Variants in SNAPC1 observed in about 807,000 individuals in gnomAD.
SNAPC1 encodes the protein snRNA-activating protein complex subunit 1.
Under a neutral mutation model 50.1 loss-of-function variants are expected in SNAPC1, and 42 were observed. That is an observed-to-expected ratio of 0.84 (90% CI 0.65 to 1.08). The LOEUF is 1.08. Among genes scored for constraint, SNAPC1 ranks in the 50% least tolerant of loss-of-function variants. SNAPC1 has a pLI of 0.00. For missense variants in SNAPC1, 477 were observed against 427.3 expected (o/e 1.12, Z -1.02); for synonymous variants, 164 against 144.2 (o/e 1.14, Z -0.98).
chr14:61,793,773 C>T (rs752151861), intron 9 of SNAPC1, among the ~76,000 whole-genome samples: 4 of 151,286 alleles, frequency 2.6e-5, no homozygotes, highest in Non-Finnish European at 4.4e-5. Context: ...TCTCCTGCCT[C>T]AGCCTCCCAA....
intron 8 of SNAPC1, among the ~76,000 whole-genome samples, chr14:61,783,016 C>CTTTTTT (rs1191462174): frequency 1.6e-5 from 2 of 125,968 alleles, no homozygotes; most frequent in African/African-American, 6.2e-5. Context: ...TTTTCCAGTG[C>CTTTTTT]ATTTTTTTTT....
rs1227987718 is a variant in SNAPC1, at chr14:61,768,632, A to G, written c.430-4A>G. The G allele has an allele frequency of 6.7e-7, 1 of 1,482,408 alleles. No homozygotes were observed. Among genetic ancestry groups the G allele is most frequent in the Non-Finnish European group, 9.4e-7 (1 of 1,063,232 alleles). The allele number at this position is 1,482,408 out of a possible 1,614,324, so 91.8% of individuals were successfully genotyped here. On this transcript the variant is annotated splice_polypyrimidine_tract_variant and splice_region_variant and intron_variant, in intron 3 of 9. Coordinates refer to ENST00000216294, the MANE Select transcript of SNAPC1 (RefSeq NM_003082.4). ...CATTTAAAAAGACACGTATTATCAC[A>G]TAGCTGTCATATAGGATGAAGAAAA...
In SNAPC1 at chr14:61,793,638, A is replaced by AT. The variant is rs942122812; in HGVS notation, c.1072+745dup. ...CTTTTGTTTTTCACTGGTGGGGAATATTTTTTTTTCTTTTCTTTTTTTCTT... is the reference window on the plus strand; with the variant it reads ...CTTTTGTTTTTCACTGGTGGGGAATATTTTTTTTTTCTTTTCTTTTTTTCTT... On this transcript the variant is annotated intron_variant, in intron 9 of 9. Transcript: ENST00000216294. 2.8e-3 allele frequency among the ~76,000 whole-genome samples: 373 copies of AT among 133,510 alleles called. 6 individuals are homozygous for AT. The highest frequency in any genetic ancestry group is 9.5e-3 in the African/African-American group (348 of 36,612). 87.6% of individuals were successfully genotyped at this position (133,510 alleles called of 152,430 possible). A position where few individuals can be genotyped will look rare whatever the true frequency, so the allele number is the denominator to read the frequency against.
chr14:61,762,654 C>T (rs2044914752), intron 1 of SNAPC1, 66 bp downstream of exon 1: 3 of 1,587,146 alleles, frequency 1.9e-6, no homozygotes, highest in African/African-American at 2.7e-5. Flanking sequence ...TTGCCTCCTT[C>T]CCGGCGATAT....
chr14:61,774,167 T>TC (rs201055125), intron 4 of SNAPC1, among the ~76,000 whole-genome samples: 2 of 64,764 alleles, frequency 3.1e-5, no homozygotes, highest in South Asian at 6.3e-4. Flanking sequence ...TTCTTCTTCT[T>TC]TTTTTTTTTT....
intron 3 of SNAPC1, among the ~76,000 whole-genome samples, chr14:61,767,670 T>C (rs2044958615): frequency 1.3e-5 from 2 of 152,064 alleles, no homozygotes; most frequent in African/African-American, 4.8e-5. Context: ...CACCATGTTG[T>C]CCAGGATGGT....
intron 8 of SNAPC1, among the ~76,000 whole-genome samples, chr14:61,788,343 G>A (rs10133561): frequency 0.35 from 53,488 of 151,988 alleles, 9,946 homozygotes; most frequent in African/African-American, 0.46. Context: ...TTAATCAAAC[G>A]TTCATTTCCA....
At chr14:61,768,195 A>C (rs571334757) in intron 3 of SNAPC1, among the ~76,000 whole-genome samples, 1 of 152,380 alleles carries the variant, frequency 6.6e-6, no homozygotes, top group East Asian at 1.9e-4. Context: ...ATATTAAGCG[A>C]ACTGTTTTGA....
chr14:61,780,887 T>TCA (rs562799987), intron 7 of SNAPC1, among the ~76,000 whole-genome samples: 4 of 150,568 alleles, frequency 2.7e-5, no homozygotes, highest in Admixed American at 6.6e-5. Context: ...TGAAAATATT[T>TCA]GAAAAAAAAA....
At chr14:61,782,490 AG>A (rs2045083055) in intron 8 of SNAPC1, 93 bp downstream of exon 8, 7 of 887,864 alleles carry the variant, frequency 7.9e-6, no homozygotes, top group Middle Eastern at 4.6e-4. Context: ...AAGAAGGATT[AG>A]ATACTTGTTT....
At chr14:61,789,832 T>A (rs1160246837) in intron 8 of SNAPC1, among the ~76,000 whole-genome samples, 4 of 152,202 alleles carry the variant, frequency 2.6e-5, no homozygotes, top group Admixed American at 2.0e-4. Context: ...GAAAGTGGCA[T>A]GCCCAAAGTT....
chr14:61,794,794 G>GTGAGGGCATTCTTATTGTGTTGTACC (rs1409845659), intron 9 of SNAPC1, among the ~76,000 whole-genome samples, 155 bp from the exon 10 acceptor site: 2 of 152,270 alleles, frequency 1.3e-5, no homozygotes, highest in African/African-American at 4.8e-5. Context: ...TGTCTTTGCT[G>GTGAGGGCATTCTTATTGTGTTGTACC]TGAGGGCATT....
At chr14:61,769,507 C>T (rs1308095698) in intron 4 of SNAPC1, among the ~76,000 whole-genome samples, 1 of 148,622 alleles carries the variant, frequency 6.7e-6, no homozygotes, top group Non-Finnish European at 1.5e-5. Flanking sequence ...AAGCAATTCT[C>T]CTGCCTCAGC....
intron 8 of SNAPC1, among the ~76,000 whole-genome samples, chr14:61,784,549 G>A (rs899120515): frequency 7.2e-5 from 11 of 152,106 alleles, no homozygotes; most frequent in Non-Finnish European, 1.0e-4. Flanking sequence ...TTTGTGAGCC[G>A]TGTTTCTGTC....
chr14:61,779,252 A>G (rs2045055046), intron 7 of SNAPC1, among the ~76,000 whole-genome samples: 2 of 152,230 alleles, frequency 1.3e-5, no homozygotes, highest in Admixed American at 6.5e-5. Context: ...TTTAATACAT[A>G]TAATGTAACT....
intron 8 of SNAPC1, among the ~76,000 whole-genome samples, chr14:61,791,543 T>C (rs899563889): frequency 6.6e-6 from 1 of 152,196 alleles, no homozygotes; most frequent in African/African-American, 2.4e-5. Flanking sequence ...GGTTTTATAA[T>C]GTAATGATTC....
At chr14:61,790,090 A>G (rs1477688659) in intron 8 of SNAPC1, among the ~76,000 whole-genome samples, 1 of 152,188 alleles carries the variant, frequency 6.6e-6, no homozygotes, top group African/African-American at 2.4e-5. Flanking sequence ...TCCTTGCTGG[A>G]GAAATACAAT....
At position 61,792,858 on chromosome 14, in the gene SNAPC1, C is replaced by T. The variant is rs761594882; in HGVS notation, c.1028C>T (p.Pro343Leu). ...GATAAACCTTTAAGTCTGAGTATGC[C>T]TGTAATTACAGAAGAAGAAGAGAAT... ...KEDKPLSLSMPVITEEEENES... is the reference protein window; with the variant it reads ...KEDKPLSLSMLVITEEEENES... Residue 343 changes from proline (P) to leucine (L), a missense_variant, in exon 9 of 10, where the codon CCT (proline) becomes CTT (leucine). Physicochemically the swap from Pro to Leu is moderately conservative, Grantham distance 98. Coordinates refer to ENST00000216294, the MANE Select transcript of SNAPC1 (RefSeq NM_003082.4). The T allele has an allele frequency of 6.8e-6, 11 of 1,606,106 alleles. No individual in the cohort carries two copies. Among genetic ancestry groups the T allele is most frequent in the Middle Eastern group, 1.7e-4 (1 of 6,056 alleles).
intron 8 of SNAPC1, among the ~76,000 whole-genome samples, chr14:61,788,744 C>T (rs574650021): frequency 1.3e-5 from 2 of 152,204 alleles, no homozygotes; most frequent in South Asian, 4.1e-4. Flanking sequence ...TTTCATAGAG[C>T]AATTTAGAAT....
Sources: gnomAD v4.1 joint callset for allele counts (sites outside exome capture counted in the v4.1 genomes callset) on GRCh38, gnomAD v4.1.1 for gene constraint, MANE v1.5 for transcripts, NCBI Gene and HGNC (gene_info 2026-07-23, HGNC 2026-07-21) for gene names.